OSMR: variants seen among roughly 807,000 people sequenced by gnomAD.
The protein encoded by OSMR is oncostatin-M-specific receptor subunit beta.
A neutral mutation model predicts 99.9 loss-of-function variants in OSMR; 81 were observed. That is an observed-to-expected ratio of 0.81 (90% confidence interval 0.68 to 0.97). OSMR has a LOEUF of 0.97. Among genes scored for constraint, OSMR ranks in the 50% least tolerant of loss-of-function variants. The pLI, the probability that OSMR is intolerant of heterozygous loss-of-function variation, is 0.00. For synonymous variants in OSMR, 406 were observed against 410.4 expected (o/e 0.99, Z 0.13); for missense variants, 1,099 against 1,153.4 (o/e 0.95, Z 0.68).
rs1023528165 is a variant in OSMR at position 38,914,758 on chromosome 5, C to T, written c.1286-2788C>T. On this transcript the variant is annotated intron_variant, in intron 9 of 17. Coordinates refer to ENST00000274276, the MANE Select transcript of OSMR (RefSeq NM_003999.3). ...CAGAAAATCCAATACTGCATGTTCT[C>T]ACTTTTAAGTGGGAACTGAACATTG... Among the ~76,000 whole-genome samples the T allele has an allele frequency of 5.3e-5, 8 of 152,148 alleles. 1 individual carries two copies. In the South Asian group the frequency reaches 1.2e-3, roughly 24 times the overall value.
chr5:38,855,177 TG>T, intron 1 of OSMR, among the ~76,000 whole-genome samples: 1 of 152,294 alleles, frequency 6.6e-6, no homozygotes, highest in South Asian at 2.1e-4. Context: ...GATTTTCACT[TG>T]ATCTGCAGGA....
intron 6 of OSMR, 113 bp from the exon 7 acceptor site, chr5:38,885,926 T>C: frequency 1.3e-6 from 2 of 1,502,490 alleles, no homozygotes; most frequent in South Asian, 1.3e-5. Context: ...AATGCCATTA[T>C]GGGGAACATA....
chr5:38,905,000 G>C (rs1027591511), intron 9 of OSMR, among the ~76,000 whole-genome samples: 3 of 152,158 alleles, frequency 2.0e-5, no homozygotes, highest in Non-Finnish European at 2.9e-5. Flanking sequence ...CCTCAGTATT[G>C]ACTGCAAACT....
chr5:38,938,406 C>T (rs1265676844), downstream of OSMR: 1 of 230,816 alleles, frequency 4.3e-6, no homozygotes, highest in African/African-American at 2.2e-5. Context: ...TTTTCACTCC[C>T]CCTCTCTGCC....
At chr5:38,942,161 G>T in intron 1 of OSMR, 1 of 463,598 alleles carries the variant, frequency 2.2e-6, no homozygotes, top group Non-Finnish European at 3.9e-6. Flanking sequence ...AGTTCCAACT[G>T]TTCATGTACC....
chr5:38,887,987 C>CA (rs1281775998), intron 7 of OSMR, among the ~76,000 whole-genome samples: 12 of 152,136 alleles, frequency 7.9e-5, no homozygotes, highest in Non-Finnish European at 1.6e-4. Context: ...ACGACACAGA[C>CA]ACACGTGGAG....
intron 1 of OSMR, chr5:38,942,472 T>C (rs940387775): frequency 1.9e-4 from 108 of 570,130 alleles, no homozygotes; most frequent in Non-Finnish European, 2.9e-4. Flanking sequence ...TTTTTTGAGA[T>C]AGGGTCTTGC....
chr5:38,876,145 C>T (rs1742806680), intron 2 of OSMR, 56 bp from the exon 3 acceptor site: 1 of 1,586,720 alleles, frequency 6.3e-7, no homozygotes, highest in South Asian at 1.1e-5. Context: ...TTATTTCTGA[C>T]TCTTCAATCA....
intron 14 of OSMR, among the ~76,000 whole-genome samples, 155 bp downstream of exon 14, chr5:38,924,750 G>T (rs961496867): frequency 6.6e-6 from 1 of 152,164 alleles, no homozygotes; most frequent in African/African-American, 2.4e-5. Flanking sequence ...AATTAGTAGG[G>T]TGAGCAAGAT....
At chr5:38,869,266 T>C in intron 2 of OSMR, 149 bp downstream of exon 2, 1 of 759,170 alleles carries the variant, frequency 1.3e-6, no homozygotes, top group Non-Finnish European at 2.4e-6. Flanking sequence ...TGTCAATCTC[T>C]CTAAGCAGTG....
intron 7 of OSMR, among the ~76,000 whole-genome samples, chr5:38,900,771 G>A (rs972668121): frequency 2.0e-5 from 3 of 151,722 alleles, no homozygotes; most frequent in Admixed American, 1.3e-4. Context: ...TATTTTTTTT[G>A]TGTAAGGTTG....
intron 1 of OSMR, among the ~76,000 whole-genome samples, chr5:38,856,684 C>A (rs1156248814): frequency 6.6e-6 from 1 of 152,164 alleles, no homozygotes; most frequent in Non-Finnish European, 1.5e-5. Context: ...CTCTGACACC[C>A]AGGCTGGAAT....
chr5:38,886,304 A>C, intron 7 of OSMR, 114 bp downstream of exon 7: 1 of 1,580,916 alleles, frequency 6.3e-7, no homozygotes, highest in Non-Finnish European at 8.6e-7. Flanking sequence ...CGGAGGTGAG[A>C]GTTAGAATTT....
chr5:38,851,004 A>C (rs977660626), intron 1 of OSMR, among the ~76,000 whole-genome samples: 1 of 152,216 alleles, frequency 6.6e-6, no homozygotes. Context: ...TTCTGTACAG[A>C]AAAACACGGC....
chr5:38,932,625 C>T (rs1189563189), intron 17 of OSMR, 90 bp downstream of exon 17: 14 of 1,562,510 alleles, frequency 9.0e-6, no homozygotes, highest in Non-Finnish European at 1.1e-5. Flanking sequence ...CCTAGAGCTC[C>T]TCAGGAAAAT....
downstream of OSMR, chr5:38,939,865 T>C (rs1214137104): frequency 1.3e-5 from 3 of 224,490 alleles, no homozygotes; most frequent in Non-Finnish European, 2.7e-5. Flanking sequence ...CTGCTATAAT[T>C]TAATATTTTT....
At chr5:38,867,121 G>A (rs988891192) in intron 1 of OSMR, among the ~76,000 whole-genome samples, 3 of 152,156 alleles carry the variant, frequency 2.0e-5, no homozygotes, top group Non-Finnish European at 4.4e-5. Flanking sequence ...CCCTCCCTCA[G>A]TGTATTCTAT....
At chr5:38,923,380 A>C (rs1161121073) in intron 13 of OSMR, 126 bp downstream of exon 13, 1 of 661,640 alleles carries the variant, frequency 1.5e-6, no homozygotes, top group African/African-American at 1.8e-5. Flanking sequence ...TTATTCTAGC[A>C]ATTGGGTTTT....
At chr5:38,923,286 G>T (rs1579800445) in intron 13 of OSMR, 32 bp downstream of exon 13, 2 of 1,298,776 alleles carry the variant, frequency 1.5e-6, no homozygotes, top group East Asian at 4.6e-5. Context: ...TGCCCCATGT[G>T]CAGACTTGTT....
Sources: gnomAD v4.1 joint callset for allele counts (sites outside exome capture counted in the v4.1 genomes callset) on GRCh38, gnomAD v4.1.1 for gene constraint, MANE v1.5 for transcripts, NCBI Gene and HGNC (gene_info 2026-07-23, HGNC 2026-07-21) for gene names.